Variants in SNRNP200 observed in about 807,000 individuals in gnomAD.
SNRNP200 encodes U5 small nuclear ribonucleoprotein 200 kDa helicase.
In SNRNP200, 66 loss-of-function variants were observed where a neutral mutation model predicts 255.2. The ratio of observed to expected loss-of-function variants is 0.26; its 90% CI spans 0.21 to 0.32. The LOEUF (loss-of-function observed/expected upper bound fraction) is 0.32, where lower values mean the gene tolerates loss of function less well. SNRNP200 is among the 10% of genes least tolerant of loss of function. The pLI, the probability that SNRNP200 is intolerant of heterozygous loss-of-function variation, is 1.00. For synonymous variants in SNRNP200, 939 were observed against 1,027.8 expected, an observed-to-expected ratio of 0.91 and a Z score of 1.65; for missense variants, 1,585 against 2,749.8, an observed-to-expected ratio of 0.58 and a Z score of 9.47.
Position 96,274,609 on chromosome 2 carries a change from T to G in SNRNP200, c.*403A>C, listed in dbSNP as rs1222895727. The G allele has an allele frequency of 3.0e-6, 1 of 335,266 alleles. No homozygotes were observed. The highest frequency in any genetic ancestry group is 5.8e-6 in the Non-Finnish European group (1 of 172,880). 20.8% of individuals were successfully genotyped at this position (335,266 alleles called of 1,614,324 possible). ...GGGGACAGCACACCTAATGAGCAGG[T>G]CTGTCCTCCAGACATACTCATTAAC... On this transcript the variant is annotated 3_prime_UTR_variant, in exon 45 of 45. Transcript: ENST00000323853.
At position 96,276,885 on chromosome 2, in the gene SNRNP200, G is replaced by A. The variant is rs1320646309; in HGVS notation, c.6174+19C>T. ...ATAGGGTGAGTTGACACCTGACCAA[G>A]CCAGCTACCAGGACGCACCTGCGGG... On this transcript the variant is annotated intron_variant, in intron 43 of 44. Transcript: ENST00000323853. 5 of 1,613,522 alleles carry A rather than the reference G, an allele frequency of 3.1e-6. No homozygotes were observed. The highest frequency in any genetic ancestry group is 1.3e-5 in the African/African-American group (1 of 74,932).
chr2:96,297,544 T>C lies in SNRNP200; in HGVS notation c.1204-8A>G, dbSNP rs2063924412. ...CTGCCGTGGAGCCAGTGCCTGGGAA[T>C]GTGAAAGACAAAAACACAAAGGAAG... On this transcript the variant is annotated splice_polypyrimidine_tract_variant and splice_region_variant and intron_variant, in intron 10 of 44. Coordinates refer to ENST00000323853, the MANE Select transcript of SNRNP200 (RefSeq NM_014014.5). 3 of 1,614,160 alleles carry C rather than the reference T, an allele frequency of 1.9e-6. No homozygotes were observed. Among genetic ancestry groups the C allele is most frequent in the Non-Finnish European group, 1.7e-6 (2 of 1,180,018 alleles).
rs375032361 is a variant in SNRNP200 at position 96,283,837 on chromosome 2, G to A, written c.4560C>T (p.Pro1520=). 1.4e-5 allele frequency: 22 copies of A among 1,606,564 alleles called. No individual in the cohort carries two copies. The highest frequency in any genetic ancestry group is 5.4e-5 in the African/African-American group (4 of 74,714). The change falls in exon 32 of 45, where the codon CCC becomes CCT. Residue 1520 remains proline, a synonymous_variant. Transcript: ENST00000323853. This position sits in a 1 kb window ranked among gnomAD's most constrained non-coding sequence, Gnocchi z 4.7. ...STFNFHPNVR[P]VPLELHIQGF... is the part of the protein sequence containing the mutation. Reference sequence around the variant, plus strand: ...CCTGGATGTGCAGCTCCAAGGGGACGGGACGCACATTGGGATGGAAGTTGA... The same window carrying A: ...CCTGGATGTGCAGCTCCAAGGGGACAGGACGCACATTGGGATGGAAGTTGA...
At position 96,291,354 on chromosome 2, in the gene SNRNP200, G is replaced by A. The variant is rs750899716; in HGVS notation, c.2421+38C>T. 8.9e-7 allele frequency: 1 copy of A among 1,124,264 alleles called. No individual in the cohort carries two copies. The highest frequency in any genetic ancestry group is 1.7e-5 in the Admixed American group (1 of 59,396). The allele number at this position is 1,124,264 out of a possible 1,614,324, so 69.6% of individuals were successfully genotyped here. A position where few individuals can be genotyped will look rare whatever the true frequency, so the allele number is the denominator to read the frequency against. ...TGACATTGCCCATCTTCTGAAGTATGTCCCACCTGCTCCTCCAAACGCTTT... is the reference window on the plus strand; with the variant it reads ...TGACATTGCCCATCTTCTGAAGTATATCCCACCTGCTCCTCCAAACGCTTT... On this transcript the variant is annotated intron_variant, in intron 18 of 44. Transcript: ENST00000323853. This position sits in a 1 kb window ranked among gnomAD's most constrained non-coding sequence, Gnocchi z 4.2.
Position 96,293,389 on chromosome 2 carries a change from G to A in SNRNP200, c.1963C>T (p.Leu655=). The change falls in exon 15 of 45, where the codon CTA becomes TTA. Residue 655 remains leucine (L), a synonymous_variant. Coordinates refer to ENST00000323853, the MANE Select transcript of SNRNP200 (RefSeq NM_014014.5). ...DVRLIGLSAT[L]PNYEDVATFL... ...GTGGCTACATCTTCATAGTTGGGTA[G>A]GGTGGCACTGAGACCAATGAGTCGG... The A allele has an allele frequency of 6.2e-7, 1 of 1,614,140 alleles. No individual in the cohort carries two copies. The highest frequency in any genetic ancestry group is 8.5e-7 in the Non-Finnish European group (1 of 1,180,032).
chr2:96,298,740 C>G lies in SNRNP200; in HGVS notation c.883-38G>C, dbSNP rs186758183. 9 of 1,613,642 alleles carry G rather than the reference C, an allele frequency of 5.6e-6. No individual in the cohort carries two copies. The East Asian group carries it at 1.8e-4, about 32-fold the overall frequency. ...GGTAACACCACCATTAAGGCCAAAG[C>G]CATCTGCCACTTCATACGCTGTCCC... On this transcript the variant is annotated intron_variant, in intron 7 of 44. Transcript: ENST00000323853.
chr2:96,278,751 G>A lies in SNRNP200; in HGVS notation c.5324-40C>T, dbSNP rs759272474. On this transcript the variant is annotated intron_variant, in intron 37 of 44. Coordinates refer to ENST00000323853, the MANE Select transcript of SNRNP200 (RefSeq NM_014014.5). This position sits in a 1 kb window ranked among gnomAD's most constrained non-coding sequence, Gnocchi z 6.9. ...GGTGAGTGGGGAGCCTCAAGAAGAT[G>A]CCCAGCAAAGACTGTGAGAACCACC... is the stretch of plus-strand genomic sequence containing the variant. 12 of 1,614,136 alleles carry A rather than the reference G, an allele frequency of 7.4e-6. No individual in the cohort carries two copies. The South Asian group carries it at 1.3e-4, about 18-fold the overall frequency.
chr2:96,304,027 C>T (rs1434395524), intron 2 of SNRNP200, among the ~76,000 whole-genome samples: 1 of 151,970 alleles, frequency 6.6e-6, no homozygotes, highest in Non-Finnish European at 1.5e-5. Flanking sequence ...AATCTACTGC[C>T]GTTGACTATC....
In SNRNP200 at chr2:96,297,710, G is replaced by T; in HGVS notation, c.1130C>A (p.Ser377Tyr). The change falls in exon 10 of 45, where the codon TCC becomes TAC. Residue 377 changes from serine to tyrosine, a missense_variant. Ser to Tyr is a moderately radical substitution (Grantham distance 144). Coordinates refer to ENST00000323853, the MANE Select transcript of SNRNP200 (RefSeq NM_014014.5). ...AGACTGACGCACTCGCTCTCTCCGG[G>T]ACCTTTCCTCCTGTAGTGGACAAAG... ...EKEDLIREER[S>Y]RRERVRQSRM... is the part of the protein sequence containing the mutation. The T allele has an allele frequency of 6.2e-7, 1 of 1,614,190 alleles. No homozygotes were observed. The highest frequency in any genetic ancestry group is 8.5e-7 in the Non-Finnish European group (1 of 1,180,040).
chr2:96,295,806 T>A, intron 13 of SNRNP200, 148 bp from the exon 14 acceptor site: 1 of 828,536 alleles, frequency 1.2e-6, no homozygotes, highest in Non-Finnish European at 2.0e-6. Context: ...TGAACATATC[T>A]TCCTCAAACA....
chr2:96,282,880 A>C, intron 34 of SNRNP200: 1 of 447,420 alleles, frequency 2.2e-6, no homozygotes, highest in Non-Finnish European at 4.1e-6. Context: ...AGAACGGACT[A>C]ATACACTTGG....
intron 2 of SNRNP200, among the ~76,000 whole-genome samples, chr2:96,304,351 G>C (rs1166878492): frequency 6.6e-6 from 1 of 152,134 alleles, no homozygotes; most frequent in African/African-American, 2.4e-5. Flanking sequence ...GTAGAACGTG[G>C]ACAAGAGTAA....
intron 43 of SNRNP200, chr2:96,276,514 T>C (rs2104329188): frequency 3.6e-6 from 1 of 276,964 alleles, no homozygotes; most frequent in Admixed American, 4.5e-5. Flanking sequence ...CTCCGCCTCC[T>C]GGGTTCACAC....
At position 96,297,036 on chromosome 2, in the gene SNRNP200, G is replaced by C; in HGVS notation, c.1412C>G (p.Ala471Gly). 6.2e-7 allele frequency: 1 copy of C among 1,614,158 alleles called. No homozygotes were observed. Among genetic ancestry groups the C allele is most frequent in the Non-Finnish European group, 8.5e-7 (1 of 1,180,030 alleles). The change falls in exon 12 of 45, where the codon GCC (alanine) becomes GGC (glycine). Residue 471 changes from alanine (A) to glycine (G), a missense_variant. Physicochemically the swap from Ala to Gly is moderately conservative, Grantham distance 60 (BLOSUM62 0). Around this residue, in one of 9 missense-constraint regions of SNRNP200, gnomAD observed 383 missense variants for 645.3 expected, o/e 0.59. Transcript: ENST00000323853. ...TTTGAAGCCCTCAAACCCAGCCTGGGCATACTTTGGCAGCTTTTCCACTGG... is the reference window on the plus strand; with the variant it reads ...TTTGAAGCCCTCAAACCCAGCCTGGCCATACTTTGGCAGCTTTTCCACTGG... ...LLPVEKLPKY[A>G]QAGFEGFKTL...
chr2:96,275,683 T>C (rs1291414954), intron 43 of SNRNP200, among the ~76,000 whole-genome samples: 1 of 152,146 alleles, frequency 6.6e-6, no homozygotes, highest in African/African-American at 2.4e-5. Context: ...GAGATACTTT[T>C]AAGTACAAGG....
chr2:96,287,295 G>T lies in SNRNP200; in HGVS notation c.3485-135C>A. 1 of 1,268,712 alleles carries T rather than the reference G, an allele frequency of 7.9e-7. No homozygotes were observed. Among genetic ancestry groups the T allele is most frequent in the Non-Finnish European group, 1.2e-6 (1 of 866,206 alleles). The allele number at this position is 1,268,712 out of a possible 1,614,324, so 78.6% of individuals were successfully genotyped here. On this transcript the variant is annotated intron_variant, in intron 26 of 44. Coordinates refer to ENST00000323853, the MANE Select transcript of SNRNP200 (RefSeq NM_014014.5). This position sits in a 1 kb window ranked among gnomAD's most constrained non-coding sequence, Gnocchi z 5.7. The stretch of plus-strand genomic sequence containing the variant: ...TGGAGCCCAGGATTCCAAGTCCCCA[G>T]ACCAAGGGCCAGCCTGTACTTCAGT...
intron 43 of SNRNP200, among the ~76,000 whole-genome samples, chr2:96,276,236 C>A (rs1684655922): frequency 6.6e-6 from 1 of 152,102 alleles, no homozygotes; most frequent in Non-Finnish European, 1.5e-5. Context: ...ACCAGAATTT[C>A]TTTCTGGTGG....
At chr2:96,292,440 TGTTA>T (rs928460392) in intron 16 of SNRNP200, among the ~76,000 whole-genome samples, 1 of 152,376 alleles carries the variant, frequency 6.6e-6, no homozygotes, top group African/African-American at 2.4e-5. Flanking sequence ...CCTTATTTTT[TGTTA>T]GTTAACATTG....
In SNRNP200 at chr2:96,284,545, T is replaced by C. The variant is rs560485569; in HGVS notation, c.4205A>G (p.Asn1402Ser). 446 of 1,614,148 alleles carry C rather than the reference T, an allele frequency of 2.8e-4. 7 individuals carry two copies. The South Asian group carries it at 4.7e-3, about 17-fold the overall frequency. The change falls in exon 31 of 45, where the codon AAC (asparagine) becomes AGC (serine). Residue 1402 changes from asparagine (N) to serine (S), a missense_variant. Physicochemically the swap from Asn to Ser is conservative, Grantham distance 46. This residue lies in a region of SNRNP200 where 719 missense variants were observed against 1,091.1 expected (regional missense o/e 0.66). Transcript: ENST00000323853. ...DWYEKFQDRL[N>S]KKVVLLTGET... The stretch of plus-strand genomic sequence containing the variant: ...GCCTGTCAGGAGTACCACCTTCTTG[T>C]TGAGCCTGTCCTGGAACTTCTCGTA...
Sources: allele counts gnomAD v4.1 joint callset (sites outside exome capture counted in the v4.1 genomes callset), GRCh38; gene constraint gnomAD v4.1.1; regional missense constraint gnomAD v4.1.1; non-coding constraint Gnocchi (gnomAD v3.1); transcripts MANE v1.5; gene names NCBI Gene and HGNC (gene_info 2026-07-23, HGNC 2026-07-21).